The following DENND5B variants were observed in gnomAD, a reference collection of about 807,000 sequenced individuals.
DENND5B encodes DENN domain-containing protein 5B.
In DENND5B, 34 loss-of-function variants were observed where a neutral mutation model predicts 140.6. The observed-to-expected ratio is 0.24, with a 90% CI of 0.18 to 0.32. DENND5B has a LOEUF of 0.32. DENND5B is among the 10% of genes least tolerant of loss of function. The probability of loss-of-function intolerance (pLI) is 1.00; values close to 1 mark genes in which losing one functional copy is unlikely to be tolerated. For synonymous variants in DENND5B, 551 were observed against 562.1 expected, an observed-to-expected ratio of 0.98 and a Z score of 0.28; for missense variants, 1,142 against 1,560.2, an observed-to-expected ratio of 0.73 and a Z score of 4.52.
At chr12:31,483,865 C>CTTTTTTT (rs200066618) in intron 2 of DENND5B, among the ~76,000 whole-genome samples, 1 of 129,420 alleles carries the variant, frequency 7.7e-6, no homozygotes, top group Non-Finnish European at 1.7e-5. Flanking sequence ...CTTTTCTTTT[C>CTTTTTTT]TTTTTTTTTT....
intron 1 of DENND5B, among the ~76,000 whole-genome samples, chr12:31,548,340 G>A (rs184372276): frequency 6.6e-6 from 1 of 150,906 alleles, no homozygotes; most frequent in East Asian, 2.0e-4. Flanking sequence ...GCTGCCGTGA[G>A]CTGTGATCGC....
At chr12:31,470,007 G>C (rs1337655673) in intron 3 of DENND5B, among the ~76,000 whole-genome samples, 1 of 151,714 alleles carries the variant, frequency 6.6e-6, no homozygotes, top group Non-Finnish European at 1.5e-5. Context: ...GTAGTGCAGT[G>C]ACATAATAAT....
At chr12:31,566,713 T>C (rs572728584) in intron 1 of DENND5B, among the ~76,000 whole-genome samples, 1 of 152,376 alleles carries the variant, frequency 6.6e-6, no homozygotes, top group African/African-American at 2.4e-5. Context: ...TTAATTATGA[T>C]GATGAAAATG....
At chr12:31,423,703 C>G (rs1198946526) in intron 10 of DENND5B, 28 bp from the exon 11 acceptor site, 1 of 1,598,322 alleles carries the variant, frequency 6.3e-7, no homozygotes, top group Non-Finnish European at 8.6e-7. Flanking sequence ...GTAAAAATTT[C>G]ATAAGAAATA....
chr12:31,556,037 T>A, intron 1 of DENND5B, among the ~76,000 whole-genome samples: 1 of 152,344 alleles, frequency 6.6e-6, no homozygotes, highest in South Asian at 2.1e-4. Flanking sequence ...TGCTTCGGCT[T>A]GCGCGTGGTG....
At chr12:31,541,851 G>A (rs193119452) in intron 1 of DENND5B, among the ~76,000 whole-genome samples, 1 of 152,166 alleles carries the variant, frequency 6.6e-6, no homozygotes, top group East Asian at 1.9e-4. Context: ...TATACATAAT[G>A]GAGCACTATT....
Position 31,511,920 on chromosome 12 carries a change from C to CTTT in DENND5B, c.128-16002_128-16001insAAA, listed in dbSNP as rs1565652266. On this transcript the variant is annotated intron_variant, in intron 1 of 20. Coordinates refer to ENST00000389082, the MANE Select transcript of DENND5B (RefSeq NM_144973.4). The stretch of plus-strand genomic sequence containing the variant: ...GAAATAAAAACATCCCCTCCACTGC[C>CTTT]CTTTTTTTTTTTTTTTTTTTTGTGA... Among the ~76,000 whole-genome samples, 8 of 73,746 alleles carry CTTT rather than the reference C, an allele frequency of 1.1e-4. No homozygotes were observed. In the South Asian group the frequency reaches 2.3e-3, roughly 21 times the overall value. The allele number at this position is 73,746 out of a possible 152,430, so 48.4% of individuals were successfully genotyped here. A position where few individuals can be genotyped will look rare whatever the true frequency, so the allele number is the denominator to read the frequency against.
intron 8 of DENND5B, among the ~76,000 whole-genome samples, chr12:31,428,356 T>C (rs555960901): frequency 6.7e-6 from 1 of 149,666 alleles, no homozygotes; most frequent in African/African-American, 2.5e-5. Context: ...AAAAAAAAAA[T>C]GTTTGCAGCA....
intron 3 of DENND5B, among the ~76,000 whole-genome samples, chr12:31,466,781 G>A (rs1288396170): frequency 6.6e-6 from 1 of 152,064 alleles, no homozygotes; most frequent in African/African-American, 2.4e-5. Context: ...TATTTACAAA[G>A]ATAGTTGAGA....
intron 7 of DENND5B, among the ~76,000 whole-genome samples, chr12:31,440,681 G>A (rs940557566): frequency 6.6e-6 from 1 of 152,108 alleles, no homozygotes; most frequent in East Asian, 1.9e-4. Context: ...TTTTTTGAAA[G>A]AGGGTCTTTG....
At chr12:31,550,139 G>A (rs1055414016) in intron 1 of DENND5B, among the ~76,000 whole-genome samples, 1 of 150,612 alleles carries the variant, frequency 6.6e-6, no homozygotes, top group Admixed American at 6.6e-5. Flanking sequence ...ATGTATACAT[G>A]TGCCATGCTG....
intron 14 of DENND5B, 21 bp from the exon 15 acceptor site, chr12:31,402,664 T>C (rs1941866703): frequency 1.3e-6 from 2 of 1,579,970 alleles, no homozygotes; most frequent in Non-Finnish European, 1.7e-6. Flanking sequence ...AATGCAGAAA[T>C]TAATTAAAAA....
intron 11 of DENND5B, among the ~76,000 whole-genome samples, chr12:31,420,505 G>A (rs760702096): frequency 1.3e-4 from 19 of 151,116 alleles, no homozygotes; most frequent in Middle Eastern, 3.4e-3. Context: ...GTGCAATGGC[G>A]TGATCTTGGC....
intron 4 of DENND5B, among the ~76,000 whole-genome samples, chr12:31,457,834 C>T (rs1443103624): frequency 6.6e-6 from 1 of 152,104 alleles, no homozygotes; most frequent in Non-Finnish European, 1.5e-5. Context: ...CTGCCTCAGC[C>T]TCCCGAGTAG....
At chr12:31,415,842 C>T (rs75858859) in intron 11 of DENND5B, among the ~76,000 whole-genome samples, 1 of 149,142 alleles carries the variant, frequency 6.7e-6, no homozygotes, top group Non-Finnish European at 1.5e-5. Flanking sequence ...ATTTTCTTTT[C>T]TTTTTTTTTT....
intron 8 of DENND5B, among the ~76,000 whole-genome samples, chr12:31,427,605 CA>C (rs71062431): frequency 0.26 from 36,248 of 139,922 alleles, 4,752 homozygotes; most frequent in Admixed American, 0.44. Flanking sequence ...GACTCCATCT[CA>C]AAAAAAAAAA....
intron 14 of DENND5B, among the ~76,000 whole-genome samples, chr12:31,408,364 T>C (rs920694275): frequency 6.6e-6 from 1 of 150,628 alleles, no homozygotes; most frequent in Non-Finnish European, 1.5e-5. Flanking sequence ...TGGTGGCTCA[T>C]GCCTGTAATC....
At chr12:31,394,723 C>T (rs1319638549) in intron 17 of DENND5B, among the ~76,000 whole-genome samples, 1 of 151,902 alleles carries the variant, frequency 6.6e-6, no homozygotes, top group Non-Finnish European at 1.5e-5. Flanking sequence ...ACGCCATTCT[C>T]CTGCCTCAGC....
At chr12:31,571,522 T>G (rs1335979534) in intron 1 of DENND5B, among the ~76,000 whole-genome samples, 1 of 152,214 alleles carries the variant, frequency 6.6e-6, no homozygotes, top group Non-Finnish European at 1.5e-5. Context: ...AACTACGGAT[T>G]TAATTTCTAT....
Sources: gnomAD v4.1 joint callset for allele counts (sites outside exome capture counted in the v4.1 genomes callset) on GRCh38, gnomAD v4.1.1 for gene constraint, MANE v1.5 for transcripts, NCBI Gene and HGNC (gene_info 2026-07-23, HGNC 2026-07-21) for gene names.